The following TEX14 variants were observed in gnomAD, a reference collection of about 807,000 sequenced individuals.
TEX14 encodes the protein testis expressed 14, intercellular bridge forming factor.
Under a neutral mutation model 178.6 loss-of-function variants are expected in TEX14, and 168 were observed. The observed-to-expected ratio is 0.94, with a 90% CI of 0.83 to 1.07. The LOEUF is 1.07. Among genes scored for constraint, TEX14 ranks in the 50% least tolerant of loss-of-function variants. The pLI is 0.00. For missense variants in TEX14, 1,730 were observed against 1,753.6 expected (o/e 0.99, Z 0.24); for synonymous variants, 626 against 634.1 (o/e 0.99, Z 0.19).
At chr17:58,613,927 A>G (rs1598387058) in intron 8 of TEX14, among the ~76,000 whole-genome samples, 1 of 151,726 alleles carries the variant, frequency 6.6e-6, no homozygotes. Flanking sequence ...TTGGCCTCCC[A>G]AAGTGCTGGG....
rs141172703 is a variant in TEX14 at position 58,632,943 on chromosome 17, C to T, written c.137-2389G>A. Among the ~76,000 whole-genome samples, 22 of 152,302 alleles carry T rather than the reference C, an allele frequency of 1.4e-4. No homozygotes were observed. The East Asian group carries it at 4.0e-3, about 28-fold the overall frequency. ...CTTGCAAGACCCCTATTAAAAGTCTCACTTCCGCTGTTCTTCGTGCCTCTA... is the reference window on the plus strand; with the variant it reads ...CTTGCAAGACCCCTATTAAAAGTCTTACTTCCGCTGTTCTTCGTGCCTCTA... On this transcript the variant is annotated intron_variant, in intron 2 of 31. Transcript: ENST00000349033.
rs181745220 is a variant in TEX14 at position 58,613,404 on chromosome 17, C to T, written c.1005+17G>A. On this transcript the variant is annotated intron_variant, in intron 9 of 31. Transcript: ENST00000349033. The stretch of plus-strand genomic sequence containing the variant: ...TGGGAGGTCAGCAATGGAAAATCCA[C>T]GGAAACAGCAGTTTACTCGTTCATG... The T allele has an allele frequency of 2.8e-5, 45 of 1,613,532 alleles. No individual in the cohort carries two copies. The highest frequency in any genetic ancestry group is 1.3e-4 in the African/African-American group (10 of 74,978).
intron 3 of TEX14, among the ~76,000 whole-genome samples, chr17:58,628,568 T>G (rs1041540359): frequency 6.6e-6 from 1 of 152,092 alleles, no homozygotes; most frequent in Non-Finnish European, 1.5e-5. Context: ...AAACATTAGC[T>G]GGGTGTGGTG....
At chr17:58,588,054 C>CT in intron 15 of TEX14, 33 bp from the exon 16 acceptor site, 1 of 825,024 alleles carries the variant, frequency 1.2e-6, no homozygotes. Flanking sequence ...TATAAGATCT[C>CT]TAAGAGTATT....
At chr17:58,661,838 G>A (rs1367664304) in intron 1 of TEX14, 7 of 456,852 alleles carry the variant, frequency 1.5e-5, no homozygotes, top group Non-Finnish European at 1.9e-5. Context: ...TCCTAAAATT[G>A]TAAAGTGGGA....
chr17:58,581,681 G>C, intron 19 of TEX14: 1 of 1,613,664 alleles, frequency 6.2e-7, no homozygotes, highest in Non-Finnish European at 8.5e-7. Context: ...AAATTCATCT[G>C]TTATATCCTC....
At chr17:58,574,349 C>T (rs960340057) in intron 21 of TEX14, 100 bp from the exon 22 acceptor site, 38 of 896,398 alleles carry the variant, frequency 4.2e-5, no homozygotes, top group African/African-American at 8.3e-5. Flanking sequence ...CAGTGTGAGA[C>T]GCAGAGGAAA....
At chr17:58,649,078 CTT>C (rs554128326) in intron 2 of TEX14, among the ~76,000 whole-genome samples, 35 of 133,250 alleles carry the variant, frequency 2.6e-4, no homozygotes, top group African/African-American at 7.4e-4. Flanking sequence ...CGCCCGGCCT[CTT>C]TTTTTTTTTT....
intron 18 of TEX14, 132 bp from the exon 19 acceptor site, chr17:58,584,732 T>A: frequency 1.4e-6 from 1 of 721,768 alleles, no homozygotes; most frequent in South Asian, 1.7e-5. Flanking sequence ...ATACGTTAGG[T>A]TCAGTCCAGA....
chr17:58,559,803 C>T (rs1253755668), intron 29 of TEX14, among the ~76,000 whole-genome samples: 5 of 152,064 alleles, frequency 3.3e-5, no homozygotes, highest in African/African-American at 4.8e-5. Context: ...ATGAGGAAAC[C>T]GAGGCACAGA....
At chr17:58,586,163 T>C in intron 17 of TEX14, 81 bp from the exon 18 acceptor site, 2 of 1,415,078 alleles carry the variant, frequency 1.4e-6, no homozygotes, top group Non-Finnish European at 1.9e-6. Context: ...AAATACATAA[T>C]ACTATTATAA....
intron 10 of TEX14, among the ~76,000 whole-genome samples, chr17:58,610,016 A>G (rs2045707488): frequency 6.6e-6 from 1 of 152,238 alleles, no homozygotes. Flanking sequence ...ACAGAAGAGC[A>G]GAACCAATAC....
intron 1 of TEX14, 105 bp downstream of exon 1, chr17:58,691,834 C>A (rs1404358449): frequency 6.6e-6 from 1 of 152,200 alleles, no homozygotes; most frequent in Non-Finnish European, 1.5e-5. Flanking sequence ...TGCTTGAACA[C>A]CCCTTCCCAA....
chr17:58,572,564 G>T (rs902007981), intron 23 of TEX14, among the ~76,000 whole-genome samples: 1 of 151,632 alleles, frequency 6.6e-6, no homozygotes, highest in African/African-American at 2.4e-5. Context: ...CCCGGGAGGC[G>T]GAGCTTGCAG....
chr17:58,570,130 T>A (rs2144356548), intron 25 of TEX14, among the ~76,000 whole-genome samples: 1 of 150,610 alleles, frequency 6.6e-6, no homozygotes, highest in Middle Eastern at 3.4e-3. Flanking sequence ...TGCTAAAACA[T>A]ATTATTATAT....
intron 10 of TEX14, among the ~76,000 whole-genome samples, chr17:58,606,814 G>C (rs1598380795): frequency 6.6e-6 from 1 of 151,630 alleles, no homozygotes; most frequent in East Asian, 1.9e-4. Context: ...GATCACTTGA[G>C]GTCAGGAATT....
At chr17:58,632,174 A>G (rs1208026293) in intron 2 of TEX14, among the ~76,000 whole-genome samples, 2 of 152,240 alleles carry the variant, frequency 1.3e-5, no homozygotes, top group Non-Finnish European at 2.9e-5. Context: ...GTTTGGACTG[A>G]TGATCGGAAG....
intron 1 of TEX14, among the ~76,000 whole-genome samples, chr17:58,653,885 G>T (rs1344482871): frequency 6.6e-6 from 1 of 152,108 alleles, no homozygotes; most frequent in African/African-American, 2.4e-5. Flanking sequence ...AAACATTAAA[G>T]AATTGGAGAA....
In TEX14 at chr17:58,590,259, C is replaced by CAAAA. The variant is rs35100175; in HGVS notation, c.2577-2242_2577-2239dup. 1.7e-3 allele frequency among the ~76,000 whole-genome samples: 156 copies of CAAAA among 93,766 alleles called. 1 individual carries two copies. The highest frequency in any genetic ancestry group is 6.0e-3 in the Middle Eastern group (1 of 168). The allele number at this position is 93,766 out of a possible 152,430, so 61.5% of individuals were successfully genotyped here. A position where few individuals can be genotyped will look rare whatever the true frequency, so the allele number is the denominator to read the frequency against. On this transcript the variant is annotated intron_variant, in intron 15 of 31. Transcript: ENST00000349033. ...CTGGCGACATAGCAAGACTCTGTGT[C>CAAAA]AAAAAAAAAAAAAAAAAAAAACCAT...
Sources: allele counts gnomAD v4.1 joint callset (sites outside exome capture counted in the v4.1 genomes callset), GRCh38; gene constraint gnomAD v4.1.1; transcripts MANE v1.5; gene names NCBI Gene and HGNC (gene_info 2026-07-23, HGNC 2026-07-21).